The following ELL3 variants were observed in gnomAD, a reference collection of about 807,000 sequenced individuals.
ELL3 encodes the protein RNA polymerase II elongation factor ELL3.
Under a neutral mutation model 58.5 loss-of-function variants are expected in ELL3, and 48 were observed. That is an observed-to-expected ratio of 0.82 (90% CI 0.65 to 1.04). The LOEUF is 1.04. Ranked by LOEUF, ELL3 falls within the 50% of genes least tolerant of loss-of-function variation. The pLI is 0.00. For synonymous variants in ELL3, 174 were observed against 173.2 expected (o/e 1.00, Z -0.04); for missense variants, 458 against 478.4 (o/e 0.96, Z 0.40).
At chr15:43,776,746 AGAG>A (rs2086921250) in intron 1 of ELL3, 21 bp downstream of exon 1, 1 of 1,592,456 alleles carries the variant, frequency 6.3e-7, no homozygotes, top group East Asian at 2.3e-5. Context: ...GGCAGTGACT[AGAG>A]AAGAAGGGGG....
intron 9 of ELL3, 124 bp from the exon 10 acceptor site, chr15:43,773,472 AGG>A: frequency 1.0e-6 from 1 of 991,540 alleles, no homozygotes; most frequent in Non-Finnish European, 1.5e-6. Context: ...TAACGAGGTC[AGG>A]AGATCTTGAC....
intron 6 of ELL3, 48 bp from the exon 7 acceptor site, chr15:43,774,821 AAT>A: frequency 6.5e-7 from 1 of 1,526,964 alleles, no homozygotes; most frequent in South Asian, 1.3e-5. Flanking sequence ...GAGCTTCCTA[AAT>A]ATGTTCTTCT....
intron 2 of ELL3, 133 bp downstream of exon 2, chr15:43,776,376 G>T: frequency 7.1e-7 from 1 of 1,409,236 alleles, no homozygotes; most frequent in Non-Finnish European, 9.8e-7. Context: ...CGCCCCACTT[G>T]GAGTTCAGTT....
At chr15:43,774,831 TCTCTC>T (rs2086903000) in intron 6 of ELL3, 58 bp from the exon 7 acceptor site, 1 of 1,501,814 alleles carries the variant, frequency 6.7e-7, no homozygotes, top group South Asian at 1.4e-5. Context: ...AATATGTTCT[TCTCTC>T]AAGAATTTCT....
At chr15:43,776,236 A>C in intron 2 of ELL3, 85 bp from the exon 3 acceptor site, 5 of 1,301,474 alleles carry the variant, frequency 3.8e-6, no homozygotes, top group Non-Finnish European at 5.5e-6. Context: ...CCAGTCCGTA[A>C]GTAAGACTAA....
At chr15:43,775,245 C>A in intron 6 of ELL3, 61 bp downstream of exon 6, 2 of 1,485,160 alleles carry the variant, frequency 1.3e-6, no homozygotes, top group Non-Finnish European at 1.8e-6. Context: ...TCAAAATAGT[C>A]TTTGCCACTG....
rs1001486755 is a variant in ELL3 at position 43,775,202 on chromosome 15, A to G, written c.645+104T>C. On this transcript the variant is annotated intron_variant, in intron 6 of 10. Transcript: ENST00000319359. ...ATTCCTCCCATATAACGAGCTTCCA[A>G]TTTCTAAATTTTAGCTTGACTAAAA... The G allele has an allele frequency of 5.0e-6, 6 of 1,208,692 alleles. No homozygotes were observed. The Middle Eastern group carries it at 6.1e-4, about 123-fold the overall frequency. 74.9% of individuals were successfully genotyped at this position (1,208,692 alleles called of 1,614,324 possible). A position where few individuals can be genotyped will look rare whatever the true frequency, so the allele number is the denominator to read the frequency against.
rs764643112 is a variant in ELL3, at chr15:43,776,759, G to A, written c.132+11C>T. 1.9e-6 allele frequency: 3 copies of A among 1,596,812 alleles called. No homozygotes were observed. Among genetic ancestry groups the A allele is most frequent in the Non-Finnish European group, 2.6e-6 (3 of 1,169,086 alleles). On this transcript the variant is annotated intron_variant, in intron 1 of 10. Transcript: ENST00000319359. ...GGGGCAGTGACTAGAGAAGAAGGGG[G>A]CCGGCCGTACCTGTTGCCGCTGACA...
chr15:43,773,011 A>G lies in ELL3; in HGVS notation c.*105T>C. 9.3e-7 allele frequency: 1 copy of G among 1,077,640 alleles called. No individual in the cohort carries two copies. Among genetic ancestry groups the G allele is most frequent in the Non-Finnish European group, 1.4e-6 (1 of 738,872 alleles). The allele number at this position is 1,077,640 out of a possible 1,614,324, so 66.8% of individuals were successfully genotyped here. A position where few individuals can be genotyped will look rare whatever the true frequency, so the allele number is the denominator to read the frequency against. ...CTCTCTACTTGCCACCATGGACTCC[A>G]GTGGTCAGCATAAGAAAAGCAGATA... On this transcript the variant is annotated 3_prime_UTR_variant, in exon 11 of 11. Coordinates refer to ENST00000319359, the MANE Select transcript of ELL3 (RefSeq NM_025165.3).
intron 2 of ELL3, 29 bp from the exon 3 acceptor site, chr15:43,776,180 A>G: frequency 6.3e-7 from 1 of 1,595,950 alleles, no homozygotes; most frequent in Non-Finnish European, 8.6e-7. Context: ...GGTAAGCCCC[A>G]TGAAGTCAGC....
Position 43,776,551 on chromosome 15 carries a change from G to A in ELL3, c.133-7C>T, listed in dbSNP as rs781285517. ...AAGCAATCACCGGCCGTACCTGCGGGGAGAGCGAAGATGTGACCGTTGAGC... is the reference window on the plus strand; with the variant it reads ...AAGCAATCACCGGCCGTACCTGCGGAGAGAGCGAAGATGTGACCGTTGAGC... On this transcript the variant is annotated splice_polypyrimidine_tract_variant and splice_region_variant and intron_variant, in intron 1 of 10. Coordinates refer to ENST00000319359, the MANE Select transcript of ELL3 (RefSeq NM_025165.3). 1 of 1,566,252 alleles carries A rather than the reference G, an allele frequency of 6.4e-7. No homozygotes were observed. Among genetic ancestry groups the A allele is most frequent in the Admixed American group, 1.9e-5 (1 of 53,324 alleles).
chr15:43,775,798 T>A lies in ELL3; in HGVS notation c.407A>T (p.His136Leu), dbSNP rs1161224743. The change falls in exon 4 of 11, where the codon CAT becomes CTT. Residue 136 changes from histidine (H) to leucine (L), a missense_variant. Transcript: ENST00000319359. Reference sequence around the variant, plus strand: ...TCCTGTGTTCTGCCAACTCTCAGGATGTCTGGCATCTTCAGTCAGGTTGTG... The same window carrying A: ...TCCTGTGTTCTGCCAACTCTCAGGAAGTCTGGCATCTTCAGTCAGGTTGTG... Reference protein sequence around the residue: ...QGHNLTEDARHPESWQNTGGY... With the variant: ...QGHNLTEDARLPESWQNTGGY... The A allele has an allele frequency of 1.9e-6, 3 of 1,614,180 alleles. No homozygotes were observed. Among genetic ancestry groups the A allele is most frequent in the Non-Finnish European group, 2.5e-6 (3 of 1,180,036 alleles).
intron 1 of ELL3, 113 bp from the exon 2 acceptor site, chr15:43,776,657 G>A (rs954634504): frequency 3.9e-5 from 60 of 1,546,932 alleles, no homozygotes; most frequent in Non-Finnish European, 4.8e-5. Flanking sequence ...GAGAGGTGGG[G>A]AGGCCAGAGC....
At position 43,775,812 on chromosome 15, in the gene ELL3, A is replaced by G; in HGVS notation, c.393T>C (p.Thr131=). 1 of 1,614,176 alleles carries G rather than the reference A, an allele frequency of 6.2e-7. No individual in the cohort carries two copies. The highest frequency in any genetic ancestry group is 1.1e-5 in the South Asian group (1 of 91,076). Residue 131 remains threonine, a synonymous_variant, in exon 4 of 11, where the codon ACT becomes ACC. Coordinates refer to ENST00000319359, the MANE Select transcript of ELL3 (RefSeq NM_025165.3). ...APSSVQGHNL[T]EDARHPESWQ... Reference sequence around the variant, plus strand: ...AACTCTCAGGATGTCTGGCATCTTCAGTCAGGTTGTGTCCCTGAACTGATG... The same window carrying G: ...AACTCTCAGGATGTCTGGCATCTTCGGTCAGGTTGTGTCCCTGAACTGATG...
At position 43,774,779 on chromosome 15, in the gene ELL3, G is replaced by A. The variant is rs771999184; in HGVS notation, c.646-6C>T. On this transcript the variant is annotated splice_polypyrimidine_tract_variant and splice_region_variant and intron_variant, in intron 6 of 10. Coordinates refer to ENST00000319359, the MANE Select transcript of ELL3 (RefSeq NM_025165.3). ...GCTACAGGCACTGAACGTTTCTGTT[G>A]AGGAAAATATCTGTGTGACATAAAC... 6 of 1,588,860 alleles carry A rather than the reference G, an allele frequency of 3.8e-6. No individual in the cohort carries two copies. In the South Asian group the frequency reaches 4.6e-5, roughly 12 times the overall value.
Position 43,773,283 on chromosome 15 carries a change from C to T in ELL3, c.1083+21G>A, listed in dbSNP as rs1048440995. ...AAAAATTCTCATTCTACCTTGCTTC[C>T]GTTCCCAGACCTTGTCTTACCTTCC... On this transcript the variant is annotated intron_variant, in intron 10 of 10. Coordinates refer to ENST00000319359, the MANE Select transcript of ELL3 (RefSeq NM_025165.3). The T allele has an allele frequency of 1.6e-5, 26 of 1,613,988 alleles. No individual in the cohort carries two copies. In the African/African-American group the frequency reaches 2.5e-4, roughly 16 times the overall value.
chr15:43,776,431 G>T (rs899209973), intron 2 of ELL3, 78 bp downstream of exon 2: 3 of 1,547,952 alleles, frequency 1.9e-6, no homozygotes, highest in South Asian at 2.4e-5. Context: ...CTCCGGCCCC[G>T]ACCGCACCTT....
At chr15:43,776,354 C>T (rs977298223) in intron 2 of ELL3, 155 bp downstream of exon 2, 22 of 1,307,254 alleles carry the variant, frequency 1.7e-5, no homozygotes, top group Non-Finnish European at 2.4e-5. Flanking sequence ...GGGACAACCC[C>T]AGCAGCCTCC....
intron 9 of ELL3, among the ~76,000 whole-genome samples, chr15:43,773,578 G>A (rs374962489): frequency 6.6e-6 from 1 of 152,058 alleles, no homozygotes; most frequent in Admixed American, 6.6e-5. Flanking sequence ...TCAGCTGCTC[G>A]GGAGGCTGCG....
Sources: allele counts gnomAD v4.1 joint callset (sites outside exome capture counted in the v4.1 genomes callset), GRCh38; gene constraint gnomAD v4.1.1; transcripts MANE v1.5; gene names NCBI Gene and HGNC (gene_info 2026-07-23, HGNC 2026-07-21).